The following PLCB4 variants were observed in gnomAD, a reference collection of about 807,000 sequenced individuals.
PLCB4 encodes phospholipase C beta 4.
PLCB4 carries 77 observed loss-of-function variants against 178.8 expected under a neutral mutation model. The observed-to-expected ratio is 0.43, with a 90% confidence interval of 0.36 to 0.52. PLCB4 has a LOEUF of 0.52. Ranked by LOEUF, PLCB4 falls within the 20% of genes least tolerant of loss-of-function variation. The pLI, the probability that PLCB4 is intolerant of heterozygous loss-of-function variation, is 0.00. For missense variants in PLCB4, 1,024 were observed against 1,453.4 expected (o/e 0.70, Z 4.80); for synonymous variants, 496 against 490.8 (o/e 1.01, Z -0.14).
intron 35 of PLCB4, among the ~76,000 whole-genome samples, chr20:9,463,593 CAAAA>C (rs145361980): frequency 2.0e-5 from 1 of 49,694 alleles, no homozygotes; most frequent in East Asian, 7.5e-4. Flanking sequence ...AAATGGAAAG[CAAAA>C]AAAAAAAAAA....
chr20:9,123,026 T>C (rs968523708), intron 2 of PLCB4, among the ~76,000 whole-genome samples: 1 of 152,188 alleles, frequency 6.6e-6, no homozygotes, highest in African/African-American at 2.4e-5. Context: ...ATACAATTTT[T>C]ATGTTTTTAC....
intron 3 of PLCB4, among the ~76,000 whole-genome samples, chr20:9,237,261 TA>T (rs1210143100): frequency 2.0e-5 from 3 of 152,162 alleles, no homozygotes; most frequent in African/African-American, 7.2e-5. Context: ...TACGTATGTT[TA>T]AACGACTATA....
intron 22 of PLCB4, among the ~76,000 whole-genome samples, 188 bp from the exon 23 acceptor site, chr20:9,408,445 G>C (rs1402913493): frequency 8.8e-6 from 1 of 113,040 alleles, no homozygotes; most frequent in African/African-American, 5.1e-5. Flanking sequence ...TCATATTTCG[G>C]TGGTGGCTGA....
At chr20:9,262,682 G>A (rs1012291497) in intron 3 of PLCB4, among the ~76,000 whole-genome samples, 6 of 152,190 alleles carry the variant, frequency 3.9e-5, no homozygotes, top group African/African-American at 1.4e-4. Flanking sequence ...GCCTGGTACT[G>A]TTGGATATGG....
chr20:9,140,475 A>G (rs2092465665), intron 2 of PLCB4, among the ~76,000 whole-genome samples: 2 of 151,892 alleles, frequency 1.3e-5, no homozygotes, highest in South Asian at 4.1e-4. Context: ...AAAAATTGGA[A>G]GTTGAGATGG....
intron 2 of PLCB4, among the ~76,000 whole-genome samples, chr20:9,131,194 C>T (rs1177745222): frequency 6.6e-6 from 1 of 152,120 alleles, no homozygotes. Flanking sequence ...ACATCTATTG[C>T]CCCATCAATT....
intron 32 of PLCB4, among the ~76,000 whole-genome samples, chr20:9,447,453 A>G (rs2042482523): frequency 6.6e-6 from 1 of 152,136 alleles, no homozygotes; most frequent in Admixed American, 6.6e-5. Flanking sequence ...GCTTGTTCAC[A>G]TGGCTGGGGT....
chr20:9,339,633 T>G (rs1287738688), intron 7 of PLCB4, among the ~76,000 whole-genome samples: 2 of 152,204 alleles, frequency 1.3e-5, no homozygotes, highest in Non-Finnish European at 2.9e-5. Context: ...ATATTTTACA[T>G]TCTTTTGCTC....
At chr20:9,139,149 C>T (rs1267197569) in intron 2 of PLCB4, among the ~76,000 whole-genome samples, 1 of 152,090 alleles carries the variant, frequency 6.6e-6, no homozygotes, top group East Asian at 1.9e-4. Flanking sequence ...GTCTTCTTGT[C>T]TATCTGTTTT....
chr20:9,295,780 ATC>A (rs1401477086), intron 3 of PLCB4, among the ~76,000 whole-genome samples: 2 of 152,116 alleles, frequency 1.3e-5, no homozygotes, highest in Non-Finnish European at 2.9e-5. Flanking sequence ...GTTGGTCTAC[ATC>A]TCTGTTTTGG....
intron 2 of PLCB4, among the ~76,000 whole-genome samples, chr20:9,216,969 T>G (rs1467382732): frequency 3.3e-5 from 5 of 152,306 alleles, no homozygotes; most frequent in Admixed American, 2.6e-4. Flanking sequence ...AAAAAAAGAC[T>G]CTCTTTGCAA....
chr20:9,078,206 C>T (rs1037176587), intron 1 of PLCB4, among the ~76,000 whole-genome samples: 4 of 152,084 alleles, frequency 2.6e-5, no homozygotes, highest in Non-Finnish European at 5.9e-5. Context: ...GTGTTGAACT[C>T]CTAGGCTCAA....
intron 2 of PLCB4, among the ~76,000 whole-genome samples, chr20:9,212,307 T>G (rs1410145945): frequency 6.6e-6 from 1 of 152,226 alleles, no homozygotes; most frequent in Non-Finnish European, 1.5e-5. Flanking sequence ...CATTTCCATG[T>G]TCAGTATTAA....
At chr20:9,391,493 G>A (rs970125108) in intron 17 of PLCB4, among the ~76,000 whole-genome samples, 1 of 152,184 alleles carries the variant, frequency 6.6e-6, no homozygotes, top group Admixed American at 6.5e-5. Context: ...ACAGCAGGAA[G>A]GTGCTTTGTG....
chr20:9,371,286 C>T lies in PLCB4; in HGVS notation c.576C>T (p.Pro192=), dbSNP rs2036231387. The T allele has an allele frequency of 1.3e-6, 2 of 1,586,382 alleles. No homozygotes were observed. The highest frequency in any genetic ancestry group is 1.7e-6 in the Non-Finnish European group (2 of 1,155,226). ...AAGCACTCAAGGAGTTAGGTCTTCC[C>T]AGTGGAAAGGTATGCATTAACTTAA... is the stretch of plus-strand genomic sequence containing the variant. ...IFQALKELGL[P]SGKNDEIEPT... is the part of the protein sequence containing the mutation. Residue 192 remains proline, a synonymous_variant, in exon 10 of 40, where the codon CCC becomes CCT. Coordinates refer to ENST00000378473, the MANE Select transcript of PLCB4 (RefSeq NM_001377142.1).
At chr20:9,403,713 A>G (rs1005017730) in intron 20 of PLCB4, among the ~76,000 whole-genome samples, 1 of 152,266 alleles carries the variant, frequency 6.6e-6, no homozygotes, top group African/African-American at 2.4e-5. Flanking sequence ...TGATTGGCTG[A>G]AACTCAGTGA....
chr20:9,145,188 A>G (rs2092575219), intron 2 of PLCB4, among the ~76,000 whole-genome samples: 1 of 152,166 alleles, frequency 6.6e-6, no homozygotes, highest in South Asian at 2.1e-4. Flanking sequence ...GAAGCAGGAA[A>G]TCTGAACCAC....
chr20:9,238,253 T>C (rs992909779), intron 3 of PLCB4, among the ~76,000 whole-genome samples: 1 of 151,884 alleles, frequency 6.6e-6, no homozygotes, highest in African/African-American at 2.4e-5. Context: ...TCTGAAGGAG[T>C]TCTGTTGTCA....
chr20:9,303,969 C>T (rs2147848623), intron 3 of PLCB4, among the ~76,000 whole-genome samples: 1 of 152,060 alleles, frequency 6.6e-6, no homozygotes, highest in South Asian at 2.1e-4. Context: ...GCTGCAGCCA[C>T]CTCCTCCTCC....
Sources: gnomAD v4.1 joint callset for allele counts (sites outside exome capture counted in the v4.1 genomes callset) on GRCh38, gnomAD v4.1.1 for gene constraint, MANE v1.5 for transcripts, NCBI Gene and HGNC (gene_info 2026-07-23, HGNC 2026-07-21) for gene names.